The following CPVL variants were observed in gnomAD, a reference collection of about 807,000 sequenced individuals.
CPVL encodes carboxypeptidase vitellogenic like, also known as probable serine carboxypeptidase CPVL.
CPVL carries 51 observed loss-of-function variants against 63.7 expected under a neutral mutation model. The ratio of observed to expected loss-of-function variants is 0.80; its 90% CI spans 0.64 to 1.01. The LOEUF is 1.01. CPVL is among the 50% of genes least tolerant of loss of function. The probability of loss-of-function intolerance (pLI) is 0.00; values close to 1 mark genes in which losing one functional copy is unlikely to be tolerated. For missense variants in CPVL, 530 were observed against 573.1 expected (o/e 0.92, Z 0.77); for synonymous variants, 195 against 206.0 (o/e 0.95, Z 0.46).
intron 5 of CPVL, among the ~76,000 whole-genome samples, chr7:29,175,237 C>T (rs553152393): frequency 5.9e-5 from 9 of 151,560 alleles, no homozygotes; most frequent in South Asian, 4.2e-4. Flanking sequence ...TGTAGTGGCA[C>T]GATCTCTGCT....
rs1165892123 is a variant in CPVL, at chr7:29,096,984, CAAAAAA to C, written c.289-773_289-768del. 2.3e-4 allele frequency among the ~76,000 whole-genome samples: 12 copies of C among 51,222 alleles called. No individual in the cohort carries two copies. In the East Asian group the frequency reaches 5.8e-3, roughly 25 times the overall value. The allele number at this position is 51,222 out of a possible 152,430, so 33.6% of individuals were successfully genotyped here. ...TGGGTGACAGAGCGAGACTCTGTCT[CAAAAAA>C]AAAAAAAAAAAAAAAAAAAGAATGT... On this transcript the variant is annotated intron_variant, in intron 3 of 12. Coordinates refer to ENST00000265394, the MANE Select transcript of CPVL (RefSeq NM_031311.5).
intron 12 of CPVL, among the ~76,000 whole-genome samples, chr7:29,029,612 G>A (rs533279124): frequency 2.8e-4 from 43 of 152,238 alleles, no homozygotes; most frequent in African/African-American, 8.9e-4. Flanking sequence ...TTAATTTCAT[G>A]GAGGTAGAGA....
intron 7 of CPVL, among the ~76,000 whole-genome samples, chr7:29,077,885 T>G (rs575722619): frequency 1.3e-5 from 2 of 152,266 alleles, no homozygotes; most frequent in Non-Finnish European, 2.9e-5. Flanking sequence ...AGGGCAAGAC[T>G]AGGCTAGGGC....
At chr7:29,147,078 CA>C, upstream of CPVL, 1 of 1,394,652 alleles carries the variant, frequency 7.2e-7, no homozygotes, top group African/African-American at 1.4e-5. Context: ...TTGGGGGACA[CA>C]AACTAAGTGA....
chr7:29,100,449 A>G (rs143450715), intron 3 of CPVL, among the ~76,000 whole-genome samples: 3 of 152,100 alleles, frequency 2.0e-5, no homozygotes, highest in Non-Finnish European at 4.4e-5. Flanking sequence ...CTGAAGGTGG[A>G]TGGAGAGTTT....
intron 2 of CPVL, among the ~76,000 whole-genome samples, chr7:29,120,663 A>T (rs1167726268): frequency 6.6e-6 from 1 of 151,718 alleles, no homozygotes; most frequent in Non-Finnish European, 1.5e-5. Flanking sequence ...TCTACTAAAA[A>T]TACAAAAATT....
chr7:29,181,380 G>T (rs1346339570), exon 5 of CPVL: 1 of 152,120 alleles, frequency 6.6e-6, no homozygotes, highest in Non-Finnish European at 1.5e-5. Flanking sequence ...TGGTGCCCAT[G>T]CCACTGACGT....
At chr7:29,088,941 C>A (rs1785492220) in intron 6 of CPVL, among the ~76,000 whole-genome samples, 1 of 152,200 alleles carries the variant, frequency 6.6e-6, no homozygotes, top group South Asian at 2.1e-4. Context: ...CGCCACTGCA[C>A]TCCAGCCTGG....
chr7:29,037,552 CA>C (rs35631871), intron 11 of CPVL, among the ~76,000 whole-genome samples: 795 of 56,340 alleles, frequency 0.014, 2 homozygotes, highest in African/African-American at 0.056. Flanking sequence ...GACTCCATCT[CA>C]AAAAAAAAAA....
chr7:29,052,718 G>A (rs1790313147), intron 11 of CPVL, among the ~76,000 whole-genome samples: 3 of 152,232 alleles, frequency 2.0e-5, no homozygotes, highest in Admixed American at 1.3e-4. Context: ...GACCATCCTG[G>A]CTCACACGGT....
chr7:29,055,112 T>G (rs979367135), intron 11 of CPVL, among the ~76,000 whole-genome samples: 2 of 152,224 alleles, frequency 1.3e-5, no homozygotes, highest in Non-Finnish European at 2.9e-5. Context: ...TTATATTTGT[T>G]TCTGTTTATT....
intron 5 of CPVL, among the ~76,000 whole-genome samples, chr7:29,094,031 C>T (rs957003614): frequency 3.3e-5 from 5 of 152,166 alleles, no homozygotes; most frequent in African/African-American, 1.2e-4. Flanking sequence ...AGAGATGAAG[C>T]ATGTTGCTTG....
intron 11 of CPVL, among the ~76,000 whole-genome samples, chr7:29,061,927 G>C (rs1175988045): frequency 2.2e-5 from 3 of 138,964 alleles, no homozygotes; most frequent in South Asian, 2.2e-4. Flanking sequence ...TGGGCAACAA[G>C]AGCAAAACTC....
chr7:29,131,447 G>T (rs139120678), intron 1 of CPVL, among the ~76,000 whole-genome samples: 136 of 152,228 alleles, frequency 8.9e-4, no homozygotes, highest in African/African-American at 3.2e-3. Flanking sequence ...TATAGGACTC[G>T]CTTCCATGAT....
chr7:29,034,917 G>C (rs572638574), intron 11 of CPVL, among the ~76,000 whole-genome samples: 1 of 149,888 alleles, frequency 6.7e-6, no homozygotes. Context: ...CAAAAGATGA[G>C]TCTTTTGGAG....
chr7:29,148,857 TGTG>T (rs1793149160), upstream of CPVL, among the ~76,000 whole-genome samples: 1 of 151,666 alleles, frequency 6.6e-6, no homozygotes, highest in Admixed American at 6.6e-5. Flanking sequence ...AAAGTGTGTG[TGTG>T]GGGGAACAGA....
Position 28,995,362 on chromosome 7 carries a change from A to G in CPVL, c.*410T>C, listed in dbSNP as rs1783961243. ...GGGATAATTGAGCTATTCTTATCCA[A>G]TAATATTTCCAAACACCTTCACGGC... On this transcript the variant is annotated 3_prime_UTR_variant, in exon 13 of 13. Transcript: ENST00000265394. 6.0e-6 allele frequency: 1 copy of G among 166,400 alleles called. No individual in the cohort carries two copies. The highest frequency in any genetic ancestry group is 1.7e-4 in the South Asian group (1 of 6,054). The allele number at this position is 166,400 out of a possible 1,614,324, so 10.3% of individuals were successfully genotyped here. A position where few individuals can be genotyped will look rare whatever the true frequency, so the allele number is the denominator to read the frequency against.
intron 7 of CPVL, among the ~76,000 whole-genome samples, chr7:29,073,890 A>G (rs1283640929): frequency 6.6e-6 from 1 of 152,246 alleles, no homozygotes; most frequent in Non-Finnish European, 1.5e-5. Flanking sequence ...ATCTACAGAC[A>G]TCTGAAAAAG....
intron 1 of CPVL, chr7:29,194,703 T>C: frequency 2.5e-6 from 1 of 403,328 alleles, no homozygotes; most frequent in Non-Finnish European, 4.3e-6. Flanking sequence ...CTGACACCCA[T>C]AGAAAAGCGT....
Sources: gnomAD v4.1 joint callset for allele counts (sites outside exome capture counted in the v4.1 genomes callset) on GRCh38, gnomAD v4.1.1 for gene constraint, MANE v1.5 for transcripts, NCBI Gene and HGNC (gene_info 2026-07-23, HGNC 2026-07-21) for gene names.